The following ATP1B3 variants were observed in gnomAD, a reference collection of about 807,000 sequenced individuals.
ATP1B3 encodes sodium/potassium-transporting ATPase subunit beta-3.
Under a neutral mutation model 30.2 loss-of-function variants are expected in ATP1B3, and 10 were observed. That is an observed-to-expected ratio of 0.33 (90% CI 0.20 to 0.56). ATP1B3 has a LOEUF of 0.56. Among genes scored for constraint, ATP1B3 ranks in the 20% least tolerant of loss-of-function variants. ATP1B3 has a pLI of 0.90. For synonymous variants in ATP1B3, 113 were observed against 117.0 expected, an observed-to-expected ratio of 0.97 and a Z score of 0.22; for missense variants, 238 against 336.7, an observed-to-expected ratio of 0.71 and a Z score of 2.29.
intron 1 of ATP1B3, among the ~76,000 whole-genome samples, chr3:141,893,975 G>A (rs1229140929): frequency 5.9e-5 from 9 of 152,162 alleles, no homozygotes; most frequent in Admixed American, 5.9e-4. Flanking sequence ...AGGCCATATG[G>A]TATAGACTGT....
chr3:141,887,472 A>G (rs1045609094), intron 1 of ATP1B3, among the ~76,000 whole-genome samples: 1 of 152,196 alleles, frequency 6.6e-6, no homozygotes, highest in East Asian at 1.9e-4. Flanking sequence ...TTAAAAGGTA[A>G]TATGTGGCAT....
intron 3 of ATP1B3, among the ~76,000 whole-genome samples, chr3:141,908,274 C>T (rs1171220898): frequency 6.6e-6 from 1 of 151,898 alleles, no homozygotes; most frequent in African/African-American, 2.4e-5. Flanking sequence ...CCAGTTTTTC[C>T]TCCTGTTTTG....
At chr3:141,882,645 G>A (rs909094819) in intron 1 of ATP1B3, among the ~76,000 whole-genome samples, 1 of 152,176 alleles carries the variant, frequency 6.6e-6, no homozygotes, top group Non-Finnish European at 1.5e-5. Flanking sequence ...GTGCAATGGT[G>A]CGATATCGGC....
intron 1 of ATP1B3, chr3:141,902,921 T>C (rs1461813511): frequency 1.3e-5 from 2 of 151,226 alleles, no homozygotes; most frequent in African/African-American, 2.5e-5. Flanking sequence ...TTTTTTTAAT[T>C]TTTTAAATAT....
chr3:141,896,971 G>A (rs1934077748), intron 1 of ATP1B3, among the ~76,000 whole-genome samples: 1 of 152,116 alleles, frequency 6.6e-6, no homozygotes, highest in Non-Finnish European at 1.5e-5. Flanking sequence ...AGCCTGTATA[G>A]CCAAGAGCAG....
At chr3:141,880,107 G>A (rs1933695389) in intron 1 of ATP1B3, among the ~76,000 whole-genome samples, 1 of 151,888 alleles carries the variant, frequency 6.6e-6, no homozygotes, top group South Asian at 2.1e-4. Flanking sequence ...TTTGATCTAA[G>A]GTTCCTCTCC....
chr3:141,915,857 A>G, intron 4 of ATP1B3, 113 bp from the exon 5 acceptor site: 1 of 667,420 alleles, frequency 1.5e-6, no homozygotes, highest in Non-Finnish European at 2.5e-6. Context: ...GCAGATGTAT[A>G]CAGACTTGGT....
chr3:141,889,746 A>AT (rs1379745968), intron 1 of ATP1B3, among the ~76,000 whole-genome samples: 2,791 of 100,624 alleles, frequency 0.028, 82 homozygotes, highest in East Asian at 0.085. Context: ...AAAAAAAAAA[A>AT]AAAAATATAT....
intron 1 of ATP1B3, among the ~76,000 whole-genome samples, chr3:141,881,485 TA>T (rs1175186706): frequency 3.3e-5 from 5 of 152,214 alleles, no homozygotes; most frequent in African/African-American, 7.2e-5. Flanking sequence ...CATGGCTCAG[TA>T]ATTGTTCTGC....
intron 1 of ATP1B3, among the ~76,000 whole-genome samples, chr3:141,884,262 G>C (rs1000099204): frequency 6.6e-6 from 1 of 152,094 alleles, no homozygotes; most frequent in African/African-American, 2.4e-5. Context: ...TGGTGCTGTG[G>C]GTAAGATATG....
chr3:141,899,035 A>G (rs986228853), intron 1 of ATP1B3, among the ~76,000 whole-genome samples: 2 of 152,220 alleles, frequency 1.3e-5, no homozygotes, highest in Non-Finnish European at 2.9e-5. Context: ...AAATAGATCT[A>G]TAGAGACAAA....
At chr3:141,892,405 T>C (rs1933971607) in intron 1 of ATP1B3, among the ~76,000 whole-genome samples, 1 of 152,198 alleles carries the variant, frequency 6.6e-6, no homozygotes, top group African/African-American at 2.4e-5. Context: ...ATAACAGCAT[T>C]AAGTGGATTT....
intron 1 of ATP1B3, among the ~76,000 whole-genome samples, chr3:141,892,834 G>T (rs1380027979): frequency 6.6e-6 from 1 of 151,870 alleles, no homozygotes; most frequent in Non-Finnish European, 1.5e-5. Flanking sequence ...TTAATGGAGC[G>T]GTAGCTTCAC....
At chr3:141,910,239 T>A in intron 3 of ATP1B3, among the ~76,000 whole-genome samples, 1 of 152,228 alleles carries the variant, frequency 6.6e-6, no homozygotes, top group Non-Finnish European at 1.5e-5. Flanking sequence ...CCCAAAGTGC[T>A]GGGATTACAG....
intron 1 of ATP1B3, among the ~76,000 whole-genome samples, chr3:141,901,287 C>T (rs1043268389): frequency 6.6e-6 from 1 of 152,152 alleles, no homozygotes; most frequent in Non-Finnish European, 1.5e-5. Flanking sequence ...CATTTAGAGC[C>T]CCATCAGCAA....
chr3:141,917,669 G>T (rs966911008), intron 5 of ATP1B3, among the ~76,000 whole-genome samples: 1 of 152,076 alleles, frequency 6.6e-6, no homozygotes, highest in African/African-American at 2.4e-5. Flanking sequence ...ACTCCAGCCT[G>T]TTGGCAGAGT....
At chr3:141,893,090 C>T (rs1447056109) in intron 1 of ATP1B3, among the ~76,000 whole-genome samples, 1 of 152,108 alleles carries the variant, frequency 6.6e-6, no homozygotes, top group Non-Finnish European at 1.5e-5. Context: ...CCTCCACAAG[C>T]TTCCACCTCT....
At chr3:141,917,113 A>C (rs1338937188) in intron 5 of ATP1B3, among the ~76,000 whole-genome samples, 1 of 150,446 alleles carries the variant, frequency 6.6e-6, no homozygotes, top group Non-Finnish European at 1.5e-5. Context: ...TCGGCCTCTC[A>C]AAGTGCTGGG....
At chr3:141,876,968 C>A in intron 1 of ATP1B3, 58 bp downstream of exon 1, 2 of 1,389,086 alleles carry the variant, frequency 1.4e-6, no homozygotes, top group Non-Finnish European at 1.9e-6. Flanking sequence ...GCGCCGGGCG[C>A]GGTCTGGTGG....
Sources: allele counts gnomAD v4.1 joint callset (sites outside exome capture counted in the v4.1 genomes callset), GRCh38; gene constraint gnomAD v4.1.1; transcripts MANE v1.5; gene names NCBI Gene and HGNC (gene_info 2026-07-23, HGNC 2026-07-21).